The following MAF variants were observed in gnomAD, a reference collection of about 807,000 sequenced individuals.
MAF encodes the protein MAF bZIP transcription factor.
In MAF, 10 loss-of-function variants were observed where a neutral mutation model predicts 22.0. The observed-to-expected ratio is 0.45, with a 90% CI of 0.28 to 0.77. The LOEUF is 0.77. MAF is among the 30% of genes least tolerant of loss of function. The probability of loss-of-function intolerance (pLI) is 0.12; values close to 1 mark genes in which losing one functional copy is unlikely to be tolerated. For missense variants in MAF, 544 were observed against 548.4 expected (o/e 0.99, Z 0.08); for synonymous variants, 337 against 255.8 (o/e 1.32, Z -3.03).
At chr16:79,427,038 C>G in the MAF span, among the ~76,000 whole-genome samples, 2 of 152,204 alleles carry the variant, frequency 1.3e-5, no homozygotes, top group African/African-American at 4.8e-5. Flanking sequence ...CCAAATTGAA[C>G]CATATCTCCA....
At chr16:79,292,449 T>G in the MAF span, among the ~76,000 whole-genome samples, 5 of 152,234 alleles carry the variant, frequency 3.3e-5, no homozygotes, top group African/African-American at 1.2e-4. Flanking sequence ...ACTATTCAAC[T>G]TCTGGCCTCT....
chr16:79,478,736 A>C, the MAF span, among the ~76,000 whole-genome samples: 2 of 152,060 alleles, frequency 1.3e-5, no homozygotes, highest in African/African-American at 4.8e-5. Context: ...TCATCCCAGC[A>C]TACCTGGATG....
chr16:79,464,136 G>C, the MAF span, among the ~76,000 whole-genome samples: 1 of 152,144 alleles, frequency 6.6e-6, no homozygotes, highest in Non-Finnish European at 1.5e-5. Flanking sequence ...GAGGAACAAG[G>C]TCTTAAGGCT....
At chr16:79,596,469 G>A in intron 1 of MAF, 3 of 1,051,710 alleles carry the variant, frequency 2.9e-6, no homozygotes, top group Non-Finnish European at 2.3e-6. Flanking sequence ...CTAAGAAACT[G>A]AGTACAGAAT....
the MAF span, among the ~76,000 whole-genome samples, chr16:79,482,632 T>C: frequency 2.0e-5 from 3 of 152,136 alleles, no homozygotes; most frequent in East Asian, 3.9e-4. Context: ...ATCATTTCCA[T>C]GCAGCAGTGA....
At chr16:79,325,867 C>G in the MAF span, among the ~76,000 whole-genome samples, 2 of 152,096 alleles carry the variant, frequency 1.3e-5, no homozygotes, top group African/African-American at 2.4e-5. Flanking sequence ...ACAGACGGCC[C>G]CAGTCTAGGC....
the MAF span, chr16:79,205,128 C>T: frequency 3.3e-5 from 5 of 152,188 alleles, no homozygotes; most frequent in Non-Finnish European, 7.3e-5. Flanking sequence ...CCTGTGAGCA[C>T]GTGCCTGTCA....
the MAF span, chr16:79,212,087 G>T: frequency 6.5e-7 from 1 of 1,536,254 alleles, no homozygotes; most frequent in Non-Finnish European, 8.7e-7. Flanking sequence ...TATCTCCCTG[G>T]AGAAGCACCA....
chr16:79,529,144 T>C, the MAF span, among the ~76,000 whole-genome samples: 150 of 152,264 alleles, frequency 9.9e-4, 1 homozygote, highest in African/African-American at 3.5e-3. Flanking sequence ...CTGAAGCAGA[T>C]TGGGATGTGG....
At chr16:79,325,598 A>AACACACACACAC in the MAF span, among the ~76,000 whole-genome samples, 124 of 145,624 alleles carry the variant, frequency 8.5e-4, no homozygotes, top group African/African-American at 2.9e-3. Context: ...CCCAGACACA[A>AACACACACACAC]ACACACACAC....
chr16:79,470,483 C>G, the MAF span, among the ~76,000 whole-genome samples: 2 of 152,216 alleles, frequency 1.3e-5, no homozygotes, highest in Non-Finnish European at 1.5e-5. Flanking sequence ...CATGTACCAG[C>G]CCCCACCACA....
At chr16:79,258,920 G>A in the MAF span, among the ~76,000 whole-genome samples, 3 of 152,238 alleles carry the variant, frequency 2.0e-5, no homozygotes, top group East Asian at 3.9e-4. Flanking sequence ...GAGAAGATGG[G>A]ACCCAGTCTC....
the MAF span, among the ~76,000 whole-genome samples, chr16:79,295,250 A>C: frequency 6.6e-6 from 1 of 152,242 alleles, no homozygotes; most frequent in Non-Finnish European, 1.5e-5. Context: ...TGATAAAAGA[A>C]AAATTTCAGC....
chr16:79,345,319 C>T, the MAF span, among the ~76,000 whole-genome samples: 1 of 152,140 alleles, frequency 6.6e-6, no homozygotes, highest in East Asian at 1.9e-4. Flanking sequence ...TTGTTTAATC[C>T]TCATTTCATC....
the MAF span, among the ~76,000 whole-genome samples, chr16:79,224,036 A>T: frequency 1.3e-5 from 2 of 152,170 alleles, no homozygotes; most frequent in Non-Finnish European, 2.9e-5. Context: ...CTGATACCAA[A>T]ACCTGGCAGA....
the MAF span, among the ~76,000 whole-genome samples, chr16:79,497,926 C>G: frequency 1.3e-5 from 2 of 152,200 alleles, no homozygotes; most frequent in Admixed American, 6.5e-5. Context: ...AGCATAACCT[C>G]TCCTCTGAGC....
the MAF span, among the ~76,000 whole-genome samples, chr16:79,234,353 TACAC>T: frequency 1.3e-5 from 2 of 152,226 alleles, no homozygotes; most frequent in East Asian, 1.9e-4. Context: ...AGCTTGATAA[TACAC>T]ACGATGATAG....
chr16:79,255,362 A>T, the MAF span, among the ~76,000 whole-genome samples: 1 of 152,212 alleles, frequency 6.6e-6, no homozygotes, highest in African/African-American at 2.4e-5. Flanking sequence ...GTGACTAAGA[A>T]GAGCTCTCTG....
At chr16:79,214,326 A>C in the MAF span, among the ~76,000 whole-genome samples, 1 of 152,188 alleles carries the variant, frequency 6.6e-6, no homozygotes, top group Non-Finnish European at 1.5e-5. Context: ...GACTTAATAA[A>C]TAACCACTGA....
Sources: gnomAD v4.1 joint callset for allele counts (sites outside exome capture counted in the v4.1 genomes callset) on GRCh38, gnomAD v4.1.1 for gene constraint, MANE v1.5 for transcripts, NCBI Gene and HGNC (gene_info 2026-07-23, HGNC 2026-07-21) for gene names.